Variants in GALNTL6 observed in about 807,000 individuals in gnomAD.
GALNTL6 encodes polypeptide N-acetylgalactosaminyltransferase like 6.
Under a neutral mutation model 73.7 loss-of-function variants are expected in GALNTL6, and 46 were observed. The ratio of observed to expected loss-of-function variants is 0.62; its 90% CI spans 0.49 to 0.80. The LOEUF is 0.80. Ranked by LOEUF, GALNTL6 falls within the 30% of genes least tolerant of loss-of-function variation. The probability of loss-of-function intolerance (pLI) is 0.00; values close to 1 mark genes in which losing one functional copy is unlikely to be tolerated. For synonymous variants in GALNTL6, 259 were observed against 263.7 expected, an observed-to-expected ratio of 0.98 and a Z score of 0.17; for missense variants, 604 against 755.0, an observed-to-expected ratio of 0.80 and a Z score of 2.34.
intron 5 of GALNTL6, among the ~76,000 whole-genome samples, chr4:172,560,957 T>TA (rs1440804709): frequency 6.6e-6 from 1 of 152,052 alleles, no homozygotes; most frequent in Admixed American, 6.6e-5. Context: ...GCACATAAGT[T>TA]AAAAAATATT....
chr4:172,757,635 A>G (rs1737826285), intron 5 of GALNTL6, among the ~76,000 whole-genome samples: 1 of 152,250 alleles, frequency 6.6e-6, no homozygotes, highest in Non-Finnish European at 1.5e-5. Flanking sequence ...AAAATTATGC[A>G]AACTCCATGC....
chr4:172,923,455 A>G (rs375101096), intron 8 of GALNTL6, among the ~76,000 whole-genome samples: 4 of 152,012 alleles, frequency 2.6e-5, no homozygotes, highest in South Asian at 2.1e-4. Context: ...GGGAGCTACA[A>G]TTCAAGATGA....
intron 7 of GALNTL6, among the ~76,000 whole-genome samples, chr4:172,847,783 G>A (rs775102912): frequency 1.3e-5 from 2 of 152,036 alleles, no homozygotes; most frequent in Admixed American, 6.6e-5. Context: ...TTTTTTGAGG[G>A]TATGAGGACA....
chr4:172,997,170 A>T (rs1273862625), intron 10 of GALNTL6, among the ~76,000 whole-genome samples: 1 of 152,138 alleles, frequency 6.6e-6, no homozygotes, highest in African/African-American at 2.4e-5. Flanking sequence ...GCCTTCTTTA[A>T]TTTCCATGTG....
chr4:172,435,162 A>G (rs1175251598), intron 5 of GALNTL6, among the ~76,000 whole-genome samples: 1 of 152,100 alleles, frequency 6.6e-6, no homozygotes, highest in Non-Finnish European at 1.5e-5. Flanking sequence ...CCTCTGCTAT[A>G]TCTCCACTTT....
At chr4:172,255,476 A>G (rs1028723814) in intron 3 of GALNTL6, among the ~76,000 whole-genome samples, 5 of 151,526 alleles carry the variant, frequency 3.3e-5, no homozygotes, top group African/African-American at 9.7e-5. Context: ...CAAATATACC[A>G]CAAGTTGGGC....
chr4:172,312,422 T>C (rs1442098275), intron 4 of GALNTL6, among the ~76,000 whole-genome samples: 3 of 152,208 alleles, frequency 2.0e-5, no homozygotes, highest in Non-Finnish European at 1.5e-5. Flanking sequence ...TAATGTGTTA[T>C]TGTTTTCCTA....
intron 5 of GALNTL6, among the ~76,000 whole-genome samples, chr4:172,515,475 T>G (rs1341634834): frequency 6.6e-6 from 1 of 152,228 alleles, no homozygotes; most frequent in Non-Finnish European, 1.5e-5. Context: ...ATATTTAGGC[T>G]TCTCTGTGGT....
intron 9 of GALNTL6, among the ~76,000 whole-genome samples, chr4:172,932,267 C>T (rs1486274358): frequency 1.3e-5 from 2 of 152,086 alleles, no homozygotes; most frequent in Admixed American, 6.5e-5. Flanking sequence ...GAACCTAAAA[C>T]GGGGCTTAGG....
chr4:172,229,003 A>G (rs1439188727), intron 2 of GALNTL6, among the ~76,000 whole-genome samples: 2 of 152,208 alleles, frequency 1.3e-5, no homozygotes, highest in African/African-American at 4.8e-5. Flanking sequence ...GAGAGACAGT[A>G]TTTAATAGTT....
At chr4:172,039,500 T>C (rs866713981) in intron 2 of GALNTL6, among the ~76,000 whole-genome samples, 7 of 152,172 alleles carry the variant, frequency 4.6e-5, no homozygotes, top group Admixed American at 1.3e-4. Context: ...GCTGTCACCA[T>C]GGGGAGATTC....
At chr4:172,143,053 A>G (rs768686672) in intron 2 of GALNTL6, among the ~76,000 whole-genome samples, 8 of 151,964 alleles carry the variant, frequency 5.3e-5, no homozygotes, top group Non-Finnish European at 1.0e-4. Flanking sequence ...TTTAACAAGC[A>G]TTTACTGGCT....
At chr4:172,821,701 G>C (rs1156389647) in intron 7 of GALNTL6, among the ~76,000 whole-genome samples, 1 of 151,232 alleles carries the variant, frequency 6.6e-6, no homozygotes, top group Non-Finnish European at 1.5e-5. Context: ...CTTTTAAATG[G>C]TGTCCTAATC....
intron 2 of GALNTL6, among the ~76,000 whole-genome samples, chr4:171,864,458 A>G (rs1735919506): frequency 6.6e-6 from 1 of 152,218 alleles, no homozygotes; most frequent in Non-Finnish European, 1.5e-5. Flanking sequence ...ATTTTATTTC[A>G]GGGTACATAC....
chr4:172,452,321 T>A (rs1163647571), intron 5 of GALNTL6, among the ~76,000 whole-genome samples: 1 of 150,944 alleles, frequency 6.6e-6, no homozygotes, highest in African/African-American at 2.4e-5. Flanking sequence ...TTTATATATA[T>A]AAAAATAAAT....
At chr4:172,403,333 T>C (rs1178142218) in intron 5 of GALNTL6, among the ~76,000 whole-genome samples, 1 of 152,102 alleles carries the variant, frequency 6.6e-6, no homozygotes, top group Admixed American at 6.6e-5. Flanking sequence ...TTCATAGTTG[T>C]TCCCTTTGAG....
At chr4:173,023,688 T>A (rs2126521225) in intron 12 of GALNTL6, among the ~76,000 whole-genome samples, 1 of 152,076 alleles carries the variant, frequency 6.6e-6, no homozygotes, top group African/African-American at 2.4e-5. Context: ...AAATCAGTTG[T>A]TATATCCTTC....
At chr4:172,898,861 C>T (rs1027523339) in intron 8 of GALNTL6, among the ~76,000 whole-genome samples, 1 of 152,198 alleles carries the variant, frequency 6.6e-6, no homozygotes, top group Admixed American at 6.5e-5. Context: ...CCCGGCGCTG[C>T]ATTCCAGGCC....
At chr4:172,651,839 C>T (rs1232702873) in intron 5 of GALNTL6, among the ~76,000 whole-genome samples, 1 of 152,108 alleles carries the variant, frequency 6.6e-6, no homozygotes, top group African/African-American at 2.4e-5. Flanking sequence ...GCAGGGAAAA[C>T]AAATGTCCTT....
Sources: allele counts gnomAD v4.1 joint callset (sites outside exome capture counted in the v4.1 genomes callset), GRCh38; gene constraint gnomAD v4.1.1; transcripts MANE v1.5; gene names NCBI Gene and HGNC (gene_info 2026-07-23, HGNC 2026-07-21).